Variants in MAD1L1 observed in about 807,000 individuals in gnomAD.
MAD1L1 encodes mitotic arrest deficient 1 like 1.
MAD1L1 carries 95 observed loss-of-function variants against 96.9 expected under a neutral mutation model. The observed-to-expected ratio is 0.98, with a 90% confidence interval of 0.83 to 1.16. MAD1L1 has a LOEUF of 1.16. MAD1L1 is among the 50% of genes most tolerant of loss of function. The probability of loss-of-function intolerance (pLI) is 0.00; values close to 1 mark genes in which losing one functional copy is unlikely to be tolerated. For missense variants in MAD1L1, 1,007 were observed against 954.4 expected, an observed-to-expected ratio of 1.06 and a Z score of -0.73; for synonymous variants, 473 against 396.6, an observed-to-expected ratio of 1.19 and a Z score of -2.29.
chr7:2,049,806 T>C (rs56340988), intron 12 of MAD1L1, among the ~76,000 whole-genome samples: 48 of 137,554 alleles, frequency 3.5e-4, no homozygotes, highest in African/African-American at 8.5e-4. Context: ...GGGCACCTCA[T>C]CCAACATCTG....
intron 13 of MAD1L1, among the ~76,000 whole-genome samples, chr7:2,007,990 T>G (rs750399463): frequency 6.6e-6 from 1 of 152,214 alleles, no homozygotes; most frequent in Non-Finnish European, 1.5e-5. Context: ...TCTGTTTACG[T>G]GAAGTTCCAA....
intron 11 of MAD1L1, among the ~76,000 whole-genome samples, chr7:2,077,355 T>C (rs1785427492): frequency 6.6e-6 from 1 of 152,224 alleles, no homozygotes; most frequent in Admixed American, 6.5e-5. Context: ...ATCATCTCGA[T>C]TTTACAGATG....
intron 11 of MAD1L1, among the ~76,000 whole-genome samples, chr7:2,143,021 T>G (rs1402417316): frequency 6.6e-6 from 1 of 152,256 alleles, no homozygotes; most frequent in East Asian, 1.9e-4. Context: ...TGCCATGCCC[T>G]GAAGGCTCCC....
At chr7:1,852,619 G>A (rs1784037796) in intron 18 of MAD1L1, among the ~76,000 whole-genome samples, 1 of 152,202 alleles carries the variant, frequency 6.6e-6, no homozygotes, top group Admixed American at 6.5e-5. Context: ...ACAGCCCCAG[G>A]TGTTTATTTC....
chr7:2,071,184 G>A (rs564058507), intron 11 of MAD1L1, among the ~76,000 whole-genome samples: 1 of 151,848 alleles, frequency 6.6e-6, no homozygotes, highest in Non-Finnish European at 1.5e-5. Context: ...TTTGAGTGAA[G>A]TGAATACGGG....
At chr7:1,867,697 C>T (rs1249247685) in intron 18 of MAD1L1, among the ~76,000 whole-genome samples, 2 of 152,206 alleles carry the variant, frequency 1.3e-5, no homozygotes, top group Non-Finnish European at 2.9e-5. Flanking sequence ...TCCTGGCCTC[C>T]GGGGCAGAGC....
At chr7:2,051,513 G>T (rs1218257329) in intron 12 of MAD1L1, among the ~76,000 whole-genome samples, 1 of 152,104 alleles carries the variant, frequency 6.6e-6, no homozygotes, top group African/African-American at 2.4e-5. Flanking sequence ...GATCCAAGAC[G>T]TTTCAACGTG....
intron 18 of MAD1L1, among the ~76,000 whole-genome samples, chr7:1,822,306 CGAAA>C (rs1782166602): frequency 6.6e-6 from 1 of 151,498 alleles, no homozygotes; most frequent in South Asian, 2.1e-4. Flanking sequence ...TGAAAGGAAT[CGAAA>C]GGAATAAAAA....
At chr7:1,901,632 C>A (rs1787249332) in intron 17 of MAD1L1, among the ~76,000 whole-genome samples, 2 of 152,220 alleles carry the variant, frequency 1.3e-5, no homozygotes, top group African/African-American at 4.8e-5. Context: ...GCCAGGGGTG[C>A]TCAGGGAGGG....
chr7:2,018,408 C>T (rs770310362), intron 12 of MAD1L1, among the ~76,000 whole-genome samples: 1 of 152,216 alleles, frequency 6.6e-6, no homozygotes, highest in South Asian at 2.1e-4. Context: ...CTGCTGTCTG[C>T]CTGGTTCTTC....
At chr7:1,971,275 A>G (rs1460617088) in intron 15 of MAD1L1, among the ~76,000 whole-genome samples, 1 of 152,198 alleles carries the variant, frequency 6.6e-6, no homozygotes, top group Non-Finnish European at 1.5e-5. Flanking sequence ...AGTAAGAAAC[A>G]CAAGCGATGG....
rs1281720584 is a variant in MAD1L1, at chr7:1,854,277, T to G, written c.1999-38049A>C. The G allele has an allele frequency of 1.2e-5, 5 of 406,018 alleles. No individual in the cohort carries two copies. In the East Asian group the frequency reaches 3.7e-4, roughly 30 times the overall value. 25.2% of individuals were successfully genotyped at this position (406,018 alleles called of 1,614,324 possible). A position where few individuals can be genotyped will look rare whatever the true frequency, so the allele number is the denominator to read the frequency against. ...GTACTGAGCCCGCTGGGGCTGGGAG[T>G]GGCTGAGACTGCCCCAGCCCCAGCA... is the stretch of plus-strand genomic sequence containing the variant. On this transcript the variant is annotated intron_variant, in intron 18 of 18. Transcript: ENST00000265854.
At chr7:1,829,563 C>A (rs1782599828) in intron 18 of MAD1L1, 2 of 152,298 alleles carry the variant, frequency 1.3e-5, no homozygotes, top group African/African-American at 4.8e-5. Flanking sequence ...CCCCAGAAGC[C>A]ACGAGCCAGT....
At position 1,948,339 on chromosome 7, in the gene MAD1L1, C is replaced by T. The variant is rs188379203; in HGVS notation, c.1596+9290G>A. ...TGAACCCCCTCCACCCCCCAGTGACCGTGTGCTGTATAGCCTCCGCTCAGG... is the reference window on the plus strand; with the variant it reads ...TGAACCCCCTCCACCCCCCAGTGACTGTGTGCTGTATAGCCTCCGCTCAGG... On this transcript the variant is annotated intron_variant, in intron 16 of 18. Coordinates refer to ENST00000265854, the MANE Select transcript of MAD1L1 (RefSeq NM_001013836.2). Among the ~76,000 whole-genome samples, 44 of 152,100 alleles carry T rather than the reference C, an allele frequency of 2.9e-4. No homozygotes were observed. The East Asian group carries it at 8.1e-3, about 28-fold the overall frequency.
chr7:1,890,938 G>A (rs990303495), intron 18 of MAD1L1, among the ~76,000 whole-genome samples: 4 of 152,190 alleles, frequency 2.6e-5, no homozygotes, highest in Admixed American at 2.0e-4. Context: ...GTGAGAATGC[G>A]GGACCCCAGC....
intron 11 of MAD1L1, among the ~76,000 whole-genome samples, chr7:2,133,275 A>G (rs57928940): frequency 6.9e-4 from 92 of 133,870 alleles, no homozygotes; most frequent in African/African-American, 2.5e-3. Flanking sequence ...TTGGTGAGGC[A>G]CCTGTTCAGA....
chr7:1,859,446 T>A (rs1027105558), intron 18 of MAD1L1, among the ~76,000 whole-genome samples: 1 of 152,198 alleles, frequency 6.6e-6, no homozygotes, highest in African/African-American at 2.4e-5. Context: ...GCAAAGGGCT[T>A]TGAAAAGTCA....
chr7:1,907,292 C>A (rs1787719661), intron 17 of MAD1L1, among the ~76,000 whole-genome samples: 1 of 152,210 alleles, frequency 6.6e-6, no homozygotes, highest in Non-Finnish European at 1.5e-5. Flanking sequence ...ACAGCTGCCA[C>A]CGAGGACCCC....
At chr7:1,888,769 G>C (rs1786349755) in intron 18 of MAD1L1, among the ~76,000 whole-genome samples, 1 of 151,324 alleles carries the variant, frequency 6.6e-6, no homozygotes, top group African/African-American at 2.4e-5. Flanking sequence ...ATGTGTGTGT[G>C]TGGTTTCATG....
Sources: gnomAD v4.1 joint callset for allele counts (sites outside exome capture counted in the v4.1 genomes callset) on GRCh38, gnomAD v4.1.1 for gene constraint, MANE v1.5 for transcripts, NCBI Gene and HGNC (gene_info 2026-07-23, HGNC 2026-07-21) for gene names.